Variants in AGL observed in about 807,000 individuals in gnomAD.
The protein encoded by AGL is amylo-alpha-1,6-glucosidase and 4-alpha-glucanotransferase, also known as glycogen debranching enzyme.
Under a neutral mutation model 199.3 loss-of-function variants are expected in AGL, and 128 were observed. The ratio of observed to expected loss-of-function variants is 0.64; its 90% CI spans 0.56 to 0.74. The LOEUF (loss-of-function observed/expected upper bound fraction) is 0.74. Among genes scored for constraint, AGL ranks in the 30% least tolerant of loss-of-function variants. The pLI, the probability that AGL is intolerant of heterozygous loss-of-function variation, is 0.00. For synonymous variants in AGL, 584 were observed against 594.7 expected (o/e 0.98, Z 0.26); for missense variants, 1,809 against 1,820.8 (o/e 0.99, Z 0.12).
chr1:99,899,217 C>T (rs1189756556), intron 25 of AGL, among the ~76,000 whole-genome samples: 1 of 152,042 alleles, frequency 6.6e-6, no homozygotes, highest in East Asian at 1.9e-4. Context: ...GGGCATTAAG[C>T]TTAGACATAG....
At chr1:99,902,840 A>G in intron 27 of AGL, 46 bp downstream of exon 27, 1 of 1,408,798 alleles carries the variant, frequency 7.1e-7, no homozygotes, top group Non-Finnish European at 1.0e-6. Context: ...AAGGTGATGA[A>G]ATTAAACCTT....
rs1334595745 is a variant in AGL at position 99,916,407 on chromosome 1, C to T, written c.4260-3C>T. On this transcript the variant is annotated splice_polypyrimidine_tract_variant and splice_region_variant and intron_variant, in intron 31 of 33. Transcript: ENST00000361915. ...TTTAACTTAAATTTCAATCATTTTG[C>T]AGTGATATGGTTTACTGTGGAATTT... 15 of 1,596,332 alleles carry T rather than the reference C, an allele frequency of 9.4e-6. No individual in the cohort carries two copies. Among genetic ancestry groups the T allele is most frequent in the Non-Finnish European group, 1.3e-5 (15 of 1,166,636 alleles).
intron 27 of AGL, among the ~76,000 whole-genome samples, chr1:99,905,234 G>C (rs1654176504): frequency 6.6e-6 from 1 of 152,162 alleles, no homozygotes; most frequent in Admixed American, 6.5e-5. Flanking sequence ...GTCTTGCTCT[G>C]TCCCCCAGCT....
At chr1:99,905,429 C>T (rs1030234443) in intron 27 of AGL, among the ~76,000 whole-genome samples, 3 of 152,048 alleles carry the variant, frequency 2.0e-5, no homozygotes, top group Non-Finnish European at 4.4e-5. Flanking sequence ...GATGAGGCTT[C>T]GCCATGTTTT....
Position 99,891,221 on chromosome 1 carries a change from T to G in AGL, c.2814T>G (p.Gly938=), listed in dbSNP as rs147590282. 3.0e-5 allele frequency: 49 copies of G among 1,613,394 alleles called. No homozygotes were observed. The highest frequency in any genetic ancestry group is 4.1e-5 in the Non-Finnish European group (48 of 1,179,608). ...CATGACATGTCTCTGAATTTTCAGGTTTAATGTCTGTATTGGCAGAAATAA... is the reference window on the plus strand; with the variant it reads ...CATGACATGTCTCTGAATTTTCAGGGTTAATGTCTGTATTGGCAGAAATAA... ...WSALKYAGLQ[G]LMSVLAEIRP... Residue 938 remains glycine (G), a splice_region_variant and synonymous_variant, in exon 22 of 34, where the codon GGT becomes GGG. Transcript: ENST00000361915.
chr1:99,904,604 C>T (rs1654113304), intron 27 of AGL, among the ~76,000 whole-genome samples: 1 of 151,970 alleles, frequency 6.6e-6, no homozygotes, highest in Non-Finnish European at 1.5e-5. Flanking sequence ...CTTTTATGGT[C>T]ACACCTGACC....
chr1:99,892,399 T>C (rs1292463841), intron 23 of AGL, 33 bp from the exon 24 acceptor site: 5 of 1,599,062 alleles, frequency 3.1e-6, no homozygotes, highest in Non-Finnish European at 4.3e-6. Context: ...ATTGTATTTC[T>C]ACAAGTAATA....
chr1:99,881,367 A>G lies in AGL; in HGVS notation c.2077A>G (p.Asn693Asp). 1 of 1,614,158 alleles carries G rather than the reference A, an allele frequency of 6.2e-7. No homozygotes were observed. Among genetic ancestry groups the G allele is most frequent in the Non-Finnish European group, 8.5e-7 (1 of 1,180,014 alleles). Residue 693 changes from asparagine to aspartate, a missense_variant, in exon 16 of 34, where the codon AAT (asparagine) becomes GAT (aspartate). By Grantham distance (23) the Asn-to-Asp change is conservative. Transcript: ENST00000361915. ...EALPSNTGEV[N>D]FQSGIIAARC... ...ATTGCCTTCAAACACAGGTGAAGTT[A>G]ATTTCCAAAGCGGCATTATTGCAGC...
intron 5 of AGL, 75 bp downstream of exon 5, chr1:99,864,664 GA>G (rs1334118507): frequency 7.6e-7 from 1 of 1,314,352 alleles, no homozygotes; most frequent in African/African-American, 1.5e-5. Flanking sequence ...ACAAATAAGA[GA>G]AAGGAAGAAA....
chr1:99,921,699 G>A lies in AGL; in HGVS notation c.*48G>A. On this transcript the variant is annotated 3_prime_UTR_variant, in exon 34 of 34. Transcript: ENST00000361915. ...CAATTACTTGTATTATAGGATGCAA[G>A]GTCATCATATGTAAATGCCTTATAT... 1 of 1,337,396 alleles carries A rather than the reference G, an allele frequency of 7.5e-7. No homozygotes were observed. Among genetic ancestry groups the A allele is most frequent in the Non-Finnish European group, 1.1e-6 (1 of 933,820 alleles). 82.8% of individuals were successfully genotyped at this position (1,337,396 alleles called of 1,614,324 possible).
At chr1:99,857,360 C>A (rs903025598) in intron 2 of AGL, among the ~76,000 whole-genome samples, 5 of 151,676 alleles carry the variant, frequency 3.3e-5, no homozygotes, top group African/African-American at 1.2e-4. Flanking sequence ...TCCTCACATC[C>A]CAGACGAAGG....
At chr1:99,906,565 C>G (rs1654310792) in intron 27 of AGL, among the ~76,000 whole-genome samples, 2 of 152,126 alleles carry the variant, frequency 1.3e-5, no homozygotes, top group South Asian at 2.1e-4. Context: ...CCTTAGTAAC[C>G]ACCTGTCTGC....
At chr1:99,914,469 A>G (rs1242054351) in intron 30 of AGL, among the ~76,000 whole-genome samples, 5 of 152,264 alleles carry the variant, frequency 3.3e-5, no homozygotes, top group Admixed American at 3.3e-4. Flanking sequence ...TAGAGAAGGT[A>G]TGTGTTCTTC....
chr1:99,908,437 A>C (rs149871135), intron 27 of AGL, among the ~76,000 whole-genome samples: 2,560 of 152,302 alleles, frequency 0.017, 37 homozygotes, highest in South Asian at 0.03. Context: ...TTTTGAAATG[A>C]GGAAGCATGA....
rs752425529 is a variant in AGL, at chr1:99,910,717, A to AATATAACT, written c.3707_3714dup (p.Ala1239IlefsTer2). The AATATAACT allele has an allele frequency of 1.9e-6, 3 of 1,595,868 alleles. No homozygotes were observed. Among genetic ancestry groups the AATATAACT allele is most frequent in the Non-Finnish European group, 2.6e-6 (3 of 1,166,090 alleles). ...ATACACATTTTGTTTTTTAGGTTTT[A>AATATAACT]ATATAACTGCAGGAGTTGATGAAGA... On this transcript the variant is annotated frameshift_variant, in exon 28 of 34. Coordinates refer to ENST00000361915, the MANE Select transcript of AGL (RefSeq NM_000642.3). LOFTEE classifies it high-confidence loss of function.
At chr1:99,909,581 A>G (rs978370909) in intron 27 of AGL, among the ~76,000 whole-genome samples, 60 of 151,950 alleles carry the variant, frequency 3.9e-4, no homozygotes, top group African/African-American at 1.4e-3. Context: ...ACTCTTTGTC[A>G]TTACCTGTTG....
chr1:99,859,054 G>A (rs1219479391), intron 2 of AGL, among the ~76,000 whole-genome samples: 1 of 152,070 alleles, frequency 6.6e-6, no homozygotes, highest in Non-Finnish European at 1.5e-5. Context: ...GAATACTTGT[G>A]TAATTATAAA....
At chr1:99,890,274 T>G (rs1330733124) in intron 21 of AGL, among the ~76,000 whole-genome samples, 1 of 152,178 alleles carries the variant, frequency 6.6e-6, no homozygotes, top group Non-Finnish European at 1.5e-5. Flanking sequence ...ACTGTTTTCC[T>G]TATGTCCTTC....
intron 28 of AGL, 83 bp downstream of exon 28, chr1:99,910,930 A>G (rs1557788561): frequency 1.4e-6 from 2 of 1,432,888 alleles, no homozygotes; most frequent in Non-Finnish European, 1.9e-6. Context: ...TCTGTTAACT[A>G]TGAACTCTTT....
Sources: allele counts gnomAD v4.1 joint callset (sites outside exome capture counted in the v4.1 genomes callset), GRCh38; gene constraint gnomAD v4.1.1; transcripts MANE v1.5; gene names NCBI Gene and HGNC (gene_info 2026-07-23, HGNC 2026-07-21).